HDAC8: variants seen among roughly 807,000 people sequenced by gnomAD.
HDAC8 encodes histone deacetylase 8.
A neutral mutation model predicts 32.2 loss-of-function variants in HDAC8; 1 was observed. The ratio of observed to expected loss-of-function variants is 0.03; its 90% CI spans 0.01 to 0.15. The LOEUF is 0.15. HDAC8 is among the 10% of genes least tolerant of loss of function. The probability of loss-of-function intolerance (pLI) is 1.00; values close to 1 mark genes in which losing one functional copy is unlikely to be tolerated. For synonymous variants in HDAC8, 108 were observed against 113.9 expected, an observed-to-expected ratio of 0.95 and a Z score of 0.33; for missense variants, 117 against 300.0, an observed-to-expected ratio of 0.39 and a Z score of 4.51.
At chrX:72,495,343 C>A (rs1053720998) in intron 4 of HDAC8, 75 bp from the exon 5 acceptor site, 14 of 592,385 alleles carry the variant, frequency 2.4e-5, no homozygotes, top group South Asian at 3.3e-5. Flanking sequence ...AGGATCTAAC[C>A]CTTGAGATCT....
chrX:72,361,326 T>C (rs999586916), intron 9 of HDAC8, among the ~76,000 whole-genome samples: 8 of 111,725 alleles, frequency 7.2e-5, no homozygotes, highest in Non-Finnish European at 1.5e-4. Context: ...TATAAAAAAG[T>C]TTATTAAGCA....
chrX:72,505,916 G>A (rs1015927272), intron 4 of HDAC8, among the ~76,000 whole-genome samples: 3 of 111,867 alleles, frequency 2.7e-5, no homozygotes, highest in African/African-American at 9.7e-5. Context: ...GTTCTTCTAG[G>A]TTACTTCAAT....
intron 9 of HDAC8, among the ~76,000 whole-genome samples, chrX:72,398,510 T>C (rs1363166482): frequency 1.8e-5 from 2 of 109,065 alleles, no homozygotes; most frequent in African/African-American, 6.7e-5. Flanking sequence ...TTTCTTTTTT[T>C]TTTTCTTAGA....
intron 7 of HDAC8, chrX:72,466,879 T>C (rs2048031329): frequency 9.0e-6 from 1 of 111,703 alleles, no homozygotes; most frequent in Non-Finnish European, 1.9e-5. Context: ...ATATTGCTCA[T>C]TAATAAAAAG....
intron 4 of HDAC8, among the ~76,000 whole-genome samples, chrX:72,511,017 A>G (rs1265174525): frequency 3.6e-5 from 4 of 111,577 alleles, no homozygotes; most frequent in Non-Finnish European, 1.9e-5. Context: ...TTTAGTCACT[A>G]TCCTCTATCT....
In HDAC8 at chrX:72,490,841, C is replaced by T. The variant is rs1057017672; in HGVS notation, c.628+88G>A. The T allele has an allele frequency of 7.2e-6, 5 of 698,019 alleles. No homozygotes were observed. The African/African-American group carries it at 8.8e-5, about 12-fold the overall frequency. 57.5% of individuals were successfully genotyped at this position (698,019 alleles called of 1,213,427 possible). Reference sequence around the variant, plus strand: ...TAGGATTGTGGCAGTAAGGCATTAACAGCATGGAACTGTCCAAGTATAAGA... The same window carrying T: ...TAGGATTGTGGCAGTAAGGCATTAATAGCATGGAACTGTCCAAGTATAAGA... On this transcript the variant is annotated intron_variant, in intron 6 of 10. Transcript: ENST00000373573.
intron 9 of HDAC8, among the ~76,000 whole-genome samples, chrX:72,433,531 T>G (rs1410797835): frequency 8.9e-6 from 1 of 112,176 alleles, no homozygotes; most frequent in Non-Finnish European, 1.9e-5. Flanking sequence ...AGCAAGTTTC[T>G]GTTTTGAACA....
Position 72,503,531 on chromosome X carries a change from T to G in HDAC8, c.438-8263A>C, listed in dbSNP as rs782395009. Among the ~76,000 whole-genome samples, 5 of 112,240 alleles carry G rather than the reference T, an allele frequency of 4.5e-5. No homozygotes were observed. The South Asian group carries it at 1.9e-3, about 42-fold the overall frequency. ...TCTTTTCTCTTACACTATCTATAAT[T>G]CATAACTATCTAGTAGACCATGCTT... On this transcript the variant is annotated intron_variant, in intron 4 of 10. Transcript: ENST00000373573.
intron 9 of HDAC8, among the ~76,000 whole-genome samples, chrX:72,441,886 A>G (rs1555982033): frequency 8.9e-6 from 1 of 112,328 alleles, no homozygotes. Context: ...TATGTGAAGA[A>G]TGCAGAAGCC....
chrX:72,413,281 C>A (rs2046250411), intron 9 of HDAC8, among the ~76,000 whole-genome samples: 1 of 74,129 alleles, frequency 1.3e-5, no homozygotes, highest in South Asian at 1.2e-3. Context: ...CCCCACCCCA[C>A]AACAGGCCCC....
chrX:72,428,541 CTAAT>C (rs1380293659), intron 9 of HDAC8, among the ~76,000 whole-genome samples: 1 of 112,014 alleles, frequency 8.9e-6, no homozygotes, highest in African/African-American at 3.3e-5. Context: ...AGGATGTATT[CTAAT>C]TAATTGAGGA....
chrX:72,520,089 G>C (rs2147364059), intron 4 of HDAC8, among the ~76,000 whole-genome samples: 1 of 112,129 alleles, frequency 8.9e-6, no homozygotes, highest in Non-Finnish European at 1.9e-5. Context: ...TGAAGGGCAA[G>C]TTTTAAATTT....
chrX:72,488,831 T>C (rs1184179140), intron 7 of HDAC8, 102 bp downstream of exon 7: 4 of 464,993 alleles, frequency 8.6e-6, no homozygotes, highest in Non-Finnish European at 1.4e-5. Context: ...GGTATATAGA[T>C]GTTTTCTTTT....
intron 9 of HDAC8, among the ~76,000 whole-genome samples, chrX:72,451,195 G>GTT (rs57902720): frequency 3.9e-5 from 4 of 102,567 alleles, no homozygotes; most frequent in African/African-American, 1.0e-4. Flanking sequence ...CTTTCTCTCT[G>GTT]TTTTTTTTTT....
intron 4 of HDAC8, among the ~76,000 whole-genome samples, chrX:72,499,807 G>A (rs2049146841): frequency 9.0e-6 from 1 of 111,244 alleles, no homozygotes; most frequent in East Asian, 2.8e-4. Context: ...AGGAAATTGA[G>A]ACATGAAAAA....
rs782038613 is a variant in HDAC8 at position 72,347,737 on chromosome X, C to T, written c.1111+3996G>A. ...AGCCAGTTCCTCTGGAGTACATTCA[C>T]CAGAGGAAAGGCAACCAGCTTTAAG... On this transcript the variant is annotated intron_variant, in intron 10 of 10. Transcript: ENST00000373573. Among the ~76,000 whole-genome samples the T allele has an allele frequency of 8.0e-5, 9 of 112,216 alleles. No individual in the cohort carries two copies. In the South Asian group the frequency reaches 3.4e-3, roughly 42 times the overall value.
chrX:72,367,044 C>T (rs1191043950), intron 9 of HDAC8, among the ~76,000 whole-genome samples: 1 of 112,228 alleles, frequency 8.9e-6, no homozygotes, highest in African/African-American at 3.2e-5. Context: ...GAACCTGATC[C>T]TGCTGGTAAG....
intron 7 of HDAC8, among the ~76,000 whole-genome samples, chrX:72,482,498 C>A (rs1412634551): frequency 9.0e-6 from 1 of 111,468 alleles, no homozygotes; most frequent in African/African-American, 3.3e-5. Flanking sequence ...TTAAACAATT[C>A]TTTTTTGGGC....
At chrX:72,416,681 A>C (rs782179154) in intron 9 of HDAC8, among the ~76,000 whole-genome samples, 1 of 106,913 alleles carries the variant, frequency 9.4e-6, no homozygotes, top group South Asian at 4.2e-4. Flanking sequence ...TAGTGTCATA[A>C]ATTTCCCTCT....
Sources: allele counts gnomAD v4.1 joint callset (sites outside exome capture counted in the v4.1 genomes callset), GRCh38; gene constraint gnomAD v4.1.1; transcripts MANE v1.5; gene names NCBI Gene and HGNC (gene_info 2026-07-23, HGNC 2026-07-21).